The following CFHR5 variants were observed in gnomAD, a reference collection of about 807,000 sequenced individuals.
The protein encoded by CFHR5 is complement factor H related 5, also known as complement factor H-related protein 5.
Under a neutral mutation model 62.9 loss-of-function variants are expected in CFHR5, and 73 were observed. The ratio of observed to expected loss-of-function variants is 1.16; its 90% CI spans 0.96 to 1.41. The LOEUF is 1.41. Among genes scored for constraint, CFHR5 ranks in the 40% most tolerant of loss-of-function variants. The pLI, the probability that CFHR5 is intolerant of heterozygous loss-of-function variation, is 0.00. For missense variants in CFHR5, 779 were observed against 679.9 expected (o/e 1.15, Z -1.62); for synonymous variants, 249 against 227.2 (o/e 1.10, Z -0.86).
At chr1:196,987,830 T>C (rs1653735053) in intron 3 of CFHR5, among the ~76,000 whole-genome samples, 1 of 152,204 alleles carries the variant, frequency 6.6e-6, no homozygotes, top group Non-Finnish European at 1.5e-5. Flanking sequence ...TCTTTTTGCT[T>C]AGGATTGTCT....
chr1:196,988,799 A>G (rs143966607), intron 3 of CFHR5, among the ~76,000 whole-genome samples: 2,055 of 152,250 alleles, frequency 0.013, 46 homozygotes, highest in African/African-American at 0.045. Flanking sequence ...TTTCACATCG[A>G]TGTTCATCAG....
chr1:196,996,234 T>G, intron 6 of CFHR5, 33 bp downstream of exon 6: 2 of 1,514,852 alleles, frequency 1.3e-6, no homozygotes, highest in Non-Finnish European at 1.8e-6. Flanking sequence ...TATATTTGAT[T>G]ATTTATCATT....
At chr1:196,977,294 A>AGG (rs1653419388), upstream of CFHR5, among the ~76,000 whole-genome samples, 1 of 64,066 alleles carries the variant, frequency 1.6e-5, no homozygotes, top group Non-Finnish European at 2.6e-5. Context: ...CTTGGCTAGA[A>AGG]AAAAAAAAAA....
intron 3 of CFHR5, among the ~76,000 whole-genome samples, chr1:196,992,519 C>T (rs796501757): frequency 6.6e-6 from 1 of 152,164 alleles, no homozygotes; most frequent in Non-Finnish European, 1.5e-5. Context: ...GGCTCCCCCT[C>T]CATGGACTGC....
intron 8 of CFHR5, among the ~76,000 whole-genome samples, chr1:197,003,825 C>T (rs890031070): frequency 2.0e-5 from 3 of 152,078 alleles, no homozygotes; most frequent in Admixed American, 2.0e-4. Context: ...TGAATTGTGA[C>T]ATTTTCAGCA....
intron 1 of CFHR5, among the ~76,000 whole-genome samples, chr1:196,980,012 ATTAT>A (rs1653497705): frequency 1.3e-5 from 2 of 151,954 alleles, no homozygotes; most frequent in Admixed American, 6.6e-5. Flanking sequence ...TATCTTTTAA[ATTAT>A]TTATTTATTT....
At chr1:196,998,375 TG>T (rs1315978664) in intron 7 of CFHR5, 71 bp downstream of exon 7, 48 of 1,229,670 alleles carry the variant, frequency 3.9e-5, no homozygotes, top group Non-Finnish European at 5.5e-5. Flanking sequence ...GAAATTAGAA[TG>T]TTTTTAAATT....
At chr1:196,997,431 A>G (rs1654022644) in intron 6 of CFHR5, among the ~76,000 whole-genome samples, 2 of 152,186 alleles carry the variant, frequency 1.3e-5, no homozygotes, top group Non-Finnish European at 1.5e-5. Flanking sequence ...GAAGTAGCAG[A>G]GCACACTCCA....
At chr1:196,997,610 C>T (rs1043134752) in intron 6 of CFHR5, among the ~76,000 whole-genome samples, 6 of 152,020 alleles carry the variant, frequency 3.9e-5, no homozygotes, top group Non-Finnish European at 7.4e-5. Flanking sequence ...GTGAGTTCTT[C>T]CCCTGAGAAT....
At chr1:196,990,253 C>T (rs967653443) in intron 3 of CFHR5, among the ~76,000 whole-genome samples, 2 of 151,914 alleles carry the variant, frequency 1.3e-5, no homozygotes, top group South Asian at 4.2e-4. Context: ...TTATTTTGAG[C>T]CTATGTGTGT....
At chr1:197,003,761 G>A (rs1235261227) in intron 8 of CFHR5, among the ~76,000 whole-genome samples, 1 of 152,104 alleles carries the variant, frequency 6.6e-6, no homozygotes, top group Non-Finnish European at 1.5e-5. Flanking sequence ...AGGGAATAGA[G>A]AAATGAGGCA....
At chr1:196,997,607 C>A (rs1377413010) in intron 6 of CFHR5, among the ~76,000 whole-genome samples, 2 of 152,104 alleles carry the variant, frequency 1.3e-5, no homozygotes, top group Admixed American at 1.3e-4. Context: ...TCAGTGAGTT[C>A]TTCCCCTGAG....
chr1:196,999,834 T>C (rs1420746646), intron 7 of CFHR5, among the ~76,000 whole-genome samples: 1 of 148,292 alleles, frequency 6.7e-6, no homozygotes, highest in Non-Finnish European at 1.5e-5. Context: ...TGTGTATATA[T>C]ATAATATATA....
chr1:197,002,184 T>C (rs1402750752), intron 7 of CFHR5, among the ~76,000 whole-genome samples: 1 of 152,114 alleles, frequency 6.6e-6, no homozygotes, highest in Non-Finnish European at 1.5e-5. Flanking sequence ...AAGAAATTTA[T>C]TTGTAAATTA....
At chr1:196,990,159 A>T (rs1407161438) in intron 3 of CFHR5, among the ~76,000 whole-genome samples, 1 of 151,566 alleles carries the variant, frequency 6.6e-6, no homozygotes, top group East Asian at 1.9e-4. Context: ...TGTTGGTTTA[A>T]ATTCTGTTTT....
At chr1:196,975,833 T>C (rs555132563), upstream of CFHR5, among the ~76,000 whole-genome samples, 4 of 152,274 alleles carry the variant, frequency 2.6e-5, no homozygotes, top group South Asian at 4.2e-4. Context: ...GTAGAGAATT[T>C]ATTTGCAAAG....
chr1:196,977,275 A>T (rs935219224), upstream of CFHR5, among the ~76,000 whole-genome samples: 1 of 148,024 alleles, frequency 6.8e-6, no homozygotes, highest in African/African-American at 2.5e-5. Context: ...CTTTTGAAAC[A>T]GCTGAACCCT....
rs764056849 is a variant in CFHR5 at position 196,982,885 on chromosome 1, GA to G, written c.61del (p.Thr21HisfsTer50). ...ISWVSTVGGE[G>X]TLCDFPKIHH... ...TTCAGTTTTGTGTTATTTTTCCCAGGAACACTTTGTGATTTTCCAAAAATAC... is the reference window on the plus strand; with the variant it reads ...TTCAGTTTTGTGTTATTTTTCCCAGGACACTTTGTGATTTTCCAAAAATAC... On this transcript the variant is annotated frameshift_variant and splice_region_variant, in exon 2 of 10. Transcript: ENST00000256785. LOFTEE classifies it high-confidence loss of function. 30 of 1,613,198 alleles carry G rather than the reference GA, an allele frequency of 1.9e-5. No individual in the cohort carries two copies. In the Admixed American group the frequency reaches 5.0e-4, roughly 27 times the overall value.
chr1:196,980,707 T>C (rs138735297), intron 1 of CFHR5, among the ~76,000 whole-genome samples: 2 of 152,044 alleles, frequency 1.3e-5, no homozygotes, highest in Non-Finnish European at 2.9e-5. Context: ...TTGGAGTGGG[T>C]TGTTGTGTAA....
Sources: gnomAD v4.1 joint callset for allele counts (sites outside exome capture counted in the v4.1 genomes callset) on GRCh38, gnomAD v4.1.1 for gene constraint, MANE v1.5 for transcripts, NCBI Gene and HGNC (gene_info 2026-07-23, HGNC 2026-07-21) for gene names.